The following PLEKHA5 variants were observed in gnomAD, a reference collection of about 807,000 sequenced individuals.
The protein encoded by PLEKHA5 is pleckstrin homology domain containing A5, also known as pleckstrin homology domain-containing family A member 5.
Under a neutral mutation model 181.9 loss-of-function variants are expected in PLEKHA5, and 55 were observed. The ratio of observed to expected loss-of-function variants is 0.30; its 90% CI spans 0.24 to 0.38. The LOEUF (loss-of-function observed/expected upper bound fraction) is 0.38, where lower values mean the gene tolerates loss of function less well. Ranked by LOEUF, PLEKHA5 falls within the 10% of genes least tolerant of loss-of-function variation. PLEKHA5 has a pLI of 1.00. For synonymous variants in PLEKHA5, 535 were observed against 529.4 expected, an observed-to-expected ratio of 1.01 and a Z score of -0.15; for missense variants, 1,432 against 1,549.5, an observed-to-expected ratio of 0.92 and a Z score of 1.27.
chr12:19,306,078 TA>T (rs879413192), intron 15 of PLEKHA5, among the ~76,000 whole-genome samples: 25 of 146,180 alleles, frequency 1.7e-4, no homozygotes, highest in African/African-American at 4.3e-4. Context: ...ATACTCCGTC[TA>T]AAAAAAAAAC....
intron 29 of PLEKHA5, among the ~76,000 whole-genome samples, chr12:19,365,187 C>T (rs926273877): frequency 5.9e-5 from 9 of 151,730 alleles, no homozygotes; most frequent in African/African-American, 9.7e-5. Context: ...CTGGCTAACA[C>T]GGTGAAACCC....
chr12:19,178,298 A>C (rs2047773013), intron 3 of PLEKHA5, among the ~76,000 whole-genome samples: 1 of 152,248 alleles, frequency 6.6e-6, no homozygotes, highest in African/African-American at 2.4e-5. Context: ...TTTGTTCAGA[A>C]TTCATTATTC....
chr12:19,245,295 T>C (rs372573908), intron 3 of PLEKHA5, among the ~76,000 whole-genome samples: 2 of 152,302 alleles, frequency 1.3e-5, no homozygotes, highest in South Asian at 2.1e-4. Context: ...TTCCCCTTTT[T>C]CCTTGCTATT....
At chr12:19,178,691 G>A (rs7297854) in intron 3 of PLEKHA5, among the ~76,000 whole-genome samples, 135,693 of 152,222 alleles carry the variant, frequency 0.89, 61,255 homozygotes, top group Non-Finnish European at 0.97. Context: ...ACTGAGATTC[G>A]GCTCATGACT....
intron 3 of PLEKHA5, among the ~76,000 whole-genome samples, chr12:19,251,030 T>G (rs1442409531): frequency 6.6e-6 from 1 of 152,152 alleles, no homozygotes; most frequent in Non-Finnish European, 1.5e-5. Flanking sequence ...CGCATTTTGC[T>G]TGTGAAAGTA....
chr12:19,275,769 A>G (rs994710144), intron 11 of PLEKHA5, among the ~76,000 whole-genome samples: 1 of 150,278 alleles, frequency 6.7e-6, no homozygotes, highest in Non-Finnish European at 1.5e-5. Context: ...CCCAACTCTA[A>G]AAAAAAAAAT....
chr12:19,306,027 C>CCAAAATGG (rs2083383727), intron 15 of PLEKHA5, among the ~76,000 whole-genome samples: 1 of 151,950 alleles, frequency 6.6e-6, no homozygotes, highest in African/African-American at 2.4e-5. Context: ...TTGCAGTGAG[C>CCAAAATGG]TGAGATCGCC....
At chr12:19,263,470 T>C (rs1238008933) in intron 7 of PLEKHA5, among the ~76,000 whole-genome samples, 1 of 152,206 alleles carries the variant, frequency 6.6e-6, no homozygotes, top group Non-Finnish European at 1.5e-5. Flanking sequence ...CTGAGGGCAG[T>C]GGCCCCATTC....
intron 25 of PLEKHA5, among the ~76,000 whole-genome samples, chr12:19,348,976 A>G (rs962127008): frequency 6.6e-6 from 1 of 152,170 alleles, no homozygotes; most frequent in Non-Finnish European, 1.5e-5. Context: ...ATAAAAATAA[A>G]AGACATCACA....
Position 19,334,983 on chromosome 12 carries a change from GAAAAAA to G in PLEKHA5, c.2449-1517_2449-1512del, listed in dbSNP as rs35656695. The stretch of plus-strand genomic sequence containing the variant: ...TCTTCACCTAAGATTTTTTTTTTAT[GAAAAAA>G]AAAAAAAAAAAAAAGACTGGCAAGA... On this transcript the variant is annotated intron_variant, in intron 20 of 31. Transcript: ENST00000429027. 2.6e-3 allele frequency among the ~76,000 whole-genome samples: 130 copies of G among 49,968 alleles called. 1 individual carries two copies. Among genetic ancestry groups the G allele is most frequent in the Non-Finnish European group, 4.5e-3 (116 of 25,556 alleles). The allele number at this position is 49,968 out of a possible 152,430, so 32.8% of individuals were successfully genotyped here.
chr12:19,321,355 CTTTTCTTTTTT>C (rs2090716409), intron 18 of PLEKHA5, among the ~76,000 whole-genome samples: 1 of 70,336 alleles, frequency 1.4e-5, no homozygotes, highest in Non-Finnish European at 3.5e-5. Context: ...CTTTTCTTTT[CTTTTCTTTTTT>C]TTTTTTTTTT....
chr12:19,287,377 G>A (rs1017380230), intron 12 of PLEKHA5, 96 bp from the exon 13 acceptor site: 3 of 760,644 alleles, frequency 3.9e-6, no homozygotes, highest in African/African-American at 3.5e-5. Context: ...ATTTTAAATG[G>A]TATTTCATAA....
At chr12:19,150,009 G>T (rs1251418817) in intron 3 of PLEKHA5, 2 of 152,164 alleles carry the variant, frequency 1.3e-5, no homozygotes, top group Non-Finnish European at 2.9e-5. Context: ...GAAGATGGAG[G>T]CATTTTTGTA....
At chr12:19,147,574 G>T (rs561836229) in intron 3 of PLEKHA5, among the ~76,000 whole-genome samples, 1 of 146,366 alleles carries the variant, frequency 6.8e-6, no homozygotes, top group South Asian at 2.2e-4. Context: ...GTTTGAAAAA[G>T]ATATTTTGTA....
chr12:19,333,175 C>T (rs560010279), intron 20 of PLEKHA5, among the ~76,000 whole-genome samples: 9 of 152,210 alleles, frequency 5.9e-5, no homozygotes, highest in African/African-American at 2.2e-4. Flanking sequence ...ATCCCAACTA[C>T]TCGGGAGCCT....
intron 8 of PLEKHA5, 39 bp downstream of exon 8, chr12:19,265,889 C>G: frequency 8.9e-7 from 1 of 1,129,266 alleles, no homozygotes; most frequent in South Asian, 1.3e-5. Context: ...GTGTTCAAAA[C>G]TTGCGTTGGT....
At chr12:19,160,521 C>T (rs2042731045) in intron 3 of PLEKHA5, among the ~76,000 whole-genome samples, 1 of 152,090 alleles carries the variant, frequency 6.6e-6, no homozygotes. Flanking sequence ...CTGTACTCTA[C>T]CACTGTATAT....
At chr12:19,297,943 C>T (rs749184320) in intron 15 of PLEKHA5, among the ~76,000 whole-genome samples, 12 of 151,948 alleles carry the variant, frequency 7.9e-5, no homozygotes, top group Non-Finnish European at 1.5e-4. Context: ...CAGTGGCTCA[C>T]GCCTGTAATC....
chr12:19,320,063 G>C lies in PLEKHA5; in HGVS notation c.2154+7G>C. ...CAAGATAAGTCTATATTGTGTATGT[G>C]TGTTTATATATTATATATATGTATA... On this transcript the variant is annotated splice_region_variant and intron_variant, in intron 17 of 31. Transcript: ENST00000429027. The C allele has an allele frequency of 9.9e-7, 1 of 1,005,432 alleles. No homozygotes were observed. 62.3% of individuals were successfully genotyped at this position (1,005,432 alleles called of 1,614,324 possible).
Sources: allele counts gnomAD v4.1 joint callset (sites outside exome capture counted in the v4.1 genomes callset), GRCh38; gene constraint gnomAD v4.1.1; transcripts MANE v1.5; gene names NCBI Gene and HGNC (gene_info 2026-07-23, HGNC 2026-07-21).